HDAC4: variants seen among roughly 807,000 people sequenced by gnomAD.
The protein encoded by HDAC4 is histone deacetylase A.
In HDAC4, 16 loss-of-function variants were observed where a neutral mutation model predicts 135.1. The ratio of observed to expected loss-of-function variants is 0.12; its 90% CI spans 0.08 to 0.18. HDAC4 has a LOEUF of 0.18. Ranked by LOEUF, HDAC4 falls within the 10% of genes least tolerant of loss-of-function variation. The probability of loss-of-function intolerance (pLI) is 1.00; values close to 1 mark genes in which losing one functional copy is unlikely to be tolerated. For missense variants in HDAC4, 1,143 were observed against 1,511.8 expected, an observed-to-expected ratio of 0.76 and a Z score of 4.05; for synonymous variants, 685 against 653.4, an observed-to-expected ratio of 1.05 and a Z score of -0.74.
At chr2:239,214,820 C>T (rs1345314988) in intron 3 of HDAC4, among the ~76,000 whole-genome samples, 1 of 152,242 alleles carries the variant, frequency 6.6e-6, no homozygotes, top group Non-Finnish European at 1.5e-5. Flanking sequence ...GGGCAGCTGC[C>T]AGTGCTGGCT....
At chr2:239,216,921 T>A (rs2046673872) in intron 3 of HDAC4, among the ~76,000 whole-genome samples, 2 of 152,226 alleles carry the variant, frequency 1.3e-5, no homozygotes, top group Non-Finnish European at 2.9e-5. Flanking sequence ...AATTTCTAAA[T>A]GACACAGTCC....
chr2:239,275,248 G>A (rs1417574672), intron 2 of HDAC4, among the ~76,000 whole-genome samples: 1 of 152,210 alleles, frequency 6.6e-6, no homozygotes, highest in Non-Finnish European at 1.5e-5. Flanking sequence ...GGCTGTCCCT[G>A]GCAAGCCGCC....
At chr2:239,083,554 A>G (rs1208277168) in intron 20 of HDAC4, among the ~76,000 whole-genome samples, 1 of 152,242 alleles carries the variant, frequency 6.6e-6, no homozygotes, top group Non-Finnish European at 1.5e-5. Context: ...AGAACACTAA[A>G]TATGTATATA....
intron 6 of HDAC4, among the ~76,000 whole-genome samples, chr2:239,158,012 C>T (rs573495902): frequency 6.4e-4 from 97 of 152,370 alleles, no homozygotes; most frequent in Non-Finnish European, 9.4e-4. Context: ...CAGCTTCTCG[C>T]TGTTTCCCGG....
intron 3 of HDAC4, chr2:239,190,876 G>T: frequency 2.3e-6 from 1 of 435,908 alleles, no homozygotes. Flanking sequence ...AACACAGGAA[G>T]AAGGGTAGGT....
intron 12 of HDAC4, among the ~76,000 whole-genome samples, chr2:239,123,410 G>T (rs867676284): frequency 5.9e-5 from 9 of 152,180 alleles, no homozygotes; most frequent in Non-Finnish European, 1.2e-4. Flanking sequence ...GGTGGGGGTG[G>T]TGAGCCTATT....
Position 239,053,096 on chromosome 2 carries a change from G to A in HDAC4, c.*1C>T. 1 of 1,614,194 alleles carries A rather than the reference G, an allele frequency of 6.2e-7. No homozygotes were observed. Among genetic ancestry groups the A allele is most frequent in the Non-Finnish European group, 8.5e-7 (1 of 1,180,012 alleles). ...AAGAGAACAGCAGCTTCGAGGGAGT[G>A]CTACAGGGGCGGCTCCTCTTCCATG... is the stretch of plus-strand genomic sequence containing the variant. On this transcript the variant is annotated 3_prime_UTR_variant, in exon 27 of 27. Transcript: ENST00000543185.
rs376911160 is a variant in HDAC4, at chr2:239,113,248, T to TCA, written c.1792-1538_1792-1537dup. Among the ~76,000 whole-genome samples, 844 of 151,184 alleles carry TCA rather than the reference T, an allele frequency of 5.6e-3. 8 individuals are homozygous for TCA. Among genetic ancestry groups the TCA allele is most frequent in the Middle Eastern group, 0.024 (7 of 294 alleles). The stretch of plus-strand genomic sequence containing the variant: ...CTGGGCAACAGAGTGAGACTCTGTC[T>TCA]CACACACACACACACAAAAGGAATC... On this transcript the variant is annotated intron_variant, in intron 13 of 26. Transcript: ENST00000543185.
chr2:239,327,246 G>A (rs2053498430), intron 2 of HDAC4, among the ~76,000 whole-genome samples: 1 of 152,216 alleles, frequency 6.6e-6, no homozygotes, highest in African/African-American at 2.4e-5. Context: ...GAGGGAGGGT[G>A]TGCCTTTCCC....
intron 2 of HDAC4, among the ~76,000 whole-genome samples, chr2:239,281,833 C>T (rs1262336207): frequency 6.7e-6 from 1 of 149,658 alleles, no homozygotes; most frequent in African/African-American, 2.5e-5. Context: ...ATGTACACAC[C>T]ACTCTACAAT....
At chr2:239,210,234 AT>A (rs1303651542) in intron 3 of HDAC4, among the ~76,000 whole-genome samples, 3 of 152,152 alleles carry the variant, frequency 2.0e-5, no homozygotes, top group Non-Finnish European at 4.4e-5. Flanking sequence ...AGAGTGTAGA[AT>A]TGTATCTGGC....
chr2:239,386,047 T>C (rs1284227887), intron 1 of HDAC4, among the ~76,000 whole-genome samples: 1 of 151,992 alleles, frequency 6.6e-6, no homozygotes, highest in Non-Finnish European at 1.5e-5. Context: ...GGCCAAACCC[T>C]GGAAGACCCG....
intron 3 of HDAC4, among the ~76,000 whole-genome samples, chr2:239,212,704 G>A (rs3791605): frequency 1.3e-5 from 2 of 152,212 alleles, no homozygotes; most frequent in South Asian, 2.1e-4. Flanking sequence ...CATGCCAAGG[G>A]GTGAGGCTGT....
intron 2 of HDAC4, among the ~76,000 whole-genome samples, chr2:239,260,689 TTGGATGTGAG>T (rs1343248963): frequency 1.3e-5 from 2 of 151,678 alleles, no homozygotes; most frequent in Non-Finnish European, 2.9e-5. Context: ...GCCTGCAAGG[TTGGATGTGAG>T]GGGATGTGAG....
chr2:239,183,472 AC>A (rs1279296325), intron 4 of HDAC4, among the ~76,000 whole-genome samples: 1 of 152,210 alleles, frequency 6.6e-6, no homozygotes, highest in Non-Finnish European at 1.5e-5. Flanking sequence ...GGATGGGAAC[AC>A]CAGGTGCAGA....
intron 2 of HDAC4, among the ~76,000 whole-genome samples, chr2:239,315,194 G>A (rs1006030183): frequency 6.6e-6 from 1 of 152,054 alleles, no homozygotes; most frequent in Non-Finnish European, 1.5e-5. Context: ...TTCTGGACTG[G>A]ACCAATGTTC....
chr2:239,281,986 C>A lies in HDAC4; in HGVS notation c.23-45322G>T, dbSNP rs905658823. Among the ~76,000 whole-genome samples, 5 of 149,538 alleles carry A rather than the reference C, an allele frequency of 3.3e-5. 1 individual carries two copies. The highest frequency in any genetic ancestry group is 9.9e-5 in the African/African-American group (4 of 40,560). On this transcript the variant is annotated intron_variant, in intron 2 of 26. Coordinates refer to ENST00000543185, the MANE Select transcript of HDAC4 (RefSeq NM_001378414.1). ...TCTACAATGAACACACCACTCTACA[C>A]GCAGTGTACACACCACTCTACAATG...
chr2:239,124,440 T>G (rs780819731), intron 12 of HDAC4, among the ~76,000 whole-genome samples: 1 of 152,240 alleles, frequency 6.6e-6, no homozygotes, highest in Non-Finnish European at 1.5e-5. Flanking sequence ...TTCCAAGGCT[T>G]CCCGTGCTGC....
intron 3 of HDAC4, among the ~76,000 whole-genome samples, chr2:239,201,977 C>T (rs2153075914): frequency 6.6e-6 from 1 of 152,318 alleles, no homozygotes; most frequent in South Asian, 2.1e-4. Flanking sequence ...CAAATCTGTG[C>T]CACTGAGAAG....
Sources: gnomAD v4.1 joint callset for allele counts (sites outside exome capture counted in the v4.1 genomes callset) on GRCh38, gnomAD v4.1.1 for gene constraint, MANE v1.5 for transcripts, NCBI Gene and HGNC (gene_info 2026-07-23, HGNC 2026-07-21) for gene names.